The following EXOC6 variants were observed in gnomAD, a reference collection of about 807,000 sequenced individuals.
The protein encoded by EXOC6 is SEC15-like 1.
A neutral mutation model predicts 112.5 loss-of-function variants in EXOC6; 60 were observed. The ratio of observed to expected loss-of-function variants is 0.53; its 90% confidence interval spans 0.43 to 0.66. The LOEUF is 0.66. Ranked by LOEUF, EXOC6 falls within the 30% of genes least tolerant of loss-of-function variation. The probability of loss-of-function intolerance (pLI) is 0.00; values close to 1 mark genes in which losing one functional copy is unlikely to be tolerated. For missense variants in EXOC6, 855 were observed against 957.1 expected, an observed-to-expected ratio of 0.89 and a Z score of 1.41; for synonymous variants, 295 against 308.0, an observed-to-expected ratio of 0.96 and a Z score of 0.44.
At chr10:92,946,863 A>G (rs1431020884) in intron 13 of EXOC6, among the ~76,000 whole-genome samples, 1 of 152,104 alleles carries the variant, frequency 6.6e-6, no homozygotes, top group Non-Finnish European at 1.5e-5. Context: ...CTAACTTTCC[A>G]TGAGATGTTC....
At chr10:92,977,351 G>A (rs189565591) in intron 18 of EXOC6, among the ~76,000 whole-genome samples, 108 of 152,122 alleles carry the variant, frequency 7.1e-4, no homozygotes, top group Admixed American at 2.0e-3. Flanking sequence ...AAAGTTGAGG[G>A]AAGGTGTTCC....
chr10:92,968,430 C>G (rs1425477480), intron 17 of EXOC6, among the ~76,000 whole-genome samples: 1 of 152,180 alleles, frequency 6.6e-6, no homozygotes, highest in Non-Finnish European at 1.5e-5. Context: ...AAGTGATCCT[C>G]CTGCCTCAGC....
chr10:92,942,893 A>G (rs1281212465), intron 13 of EXOC6, among the ~76,000 whole-genome samples: 1 of 152,174 alleles, frequency 6.6e-6, no homozygotes. Context: ...TCACATAGAG[A>G]TAGGATTAAT....
At chr10:92,963,739 T>C in intron 17 of EXOC6, among the ~76,000 whole-genome samples, 1 of 152,084 alleles carries the variant, frequency 6.6e-6, no homozygotes, top group Admixed American at 6.6e-5. Context: ...AGTGATCTCC[T>C]GCCTCAGCCT....
chr10:92,934,642 G>A (rs1852249974), intron 11 of EXOC6, among the ~76,000 whole-genome samples: 1 of 151,972 alleles, frequency 6.6e-6, no homozygotes, highest in South Asian at 2.1e-4. Flanking sequence ...CTTTATTCTA[G>A]CATTATAGAA....
At chr10:92,871,794 T>G (rs1018141895) in intron 1 of EXOC6, among the ~76,000 whole-genome samples, 23 of 152,022 alleles carry the variant, frequency 1.5e-4, no homozygotes, top group Non-Finnish European at 2.1e-4. Flanking sequence ...GGTGACAGAG[T>G]GAGATTCCGT....
chr10:92,912,526 G>A (rs527685175), intron 6 of EXOC6, among the ~76,000 whole-genome samples: 127 of 152,082 alleles, frequency 8.4e-4, no homozygotes, highest in African/African-American at 3.0e-3. Context: ...GAGGTGAGAT[G>A]GTCACATGGG....
intron 8 of EXOC6, 137 bp downstream of exon 8, chr10:92,920,187 A>C (rs901716492): frequency 1.4e-5 from 7 of 501,656 alleles, no homozygotes; most frequent in Admixed American, 4.0e-5. Flanking sequence ...TGTGTAAGGC[A>C]CTTACATTTT....
chr10:93,029,548 G>T (rs1490698836), intron 20 of EXOC6, among the ~76,000 whole-genome samples: 1 of 152,054 alleles, frequency 6.6e-6, no homozygotes, highest in Non-Finnish European at 1.5e-5. Context: ...TCTTTATCAG[G>T]TCTATGTATT....
rs527750980 is a variant in EXOC6, at chr10:93,015,264, T to C, written c.2169+997T>C. Among the ~76,000 whole-genome samples, 9 of 152,324 alleles carry C rather than the reference T, an allele frequency of 5.9e-5. No homozygotes were observed. In the East Asian group the frequency reaches 1.7e-3, roughly 29 times the overall value. ...GTTAAGAAACTCTGACTTCAGTAAATGTTTGAGAATATAGATAATTCCAAC... is the reference window on the plus strand; with the variant it reads ...GTTAAGAAACTCTGACTTCAGTAAACGTTTGAGAATATAGATAATTCCAAC... On this transcript the variant is annotated intron_variant, in intron 20 of 21. Coordinates refer to ENST00000260762, the MANE Select transcript of EXOC6 (RefSeq NM_019053.6).
chr10:93,042,903 A>G (rs531048033), intron 20 of EXOC6, among the ~76,000 whole-genome samples: 1 of 150,210 alleles, frequency 6.7e-6, no homozygotes, highest in South Asian at 2.1e-4. Flanking sequence ...CTGAAGCACC[A>G]TAATCAAATA....
At chr10:92,976,782 C>G (rs957407672) in intron 18 of EXOC6, among the ~76,000 whole-genome samples, 5 of 151,374 alleles carry the variant, frequency 3.3e-5, no homozygotes, top group African/African-American at 7.3e-5. Context: ...GAGCATTGTT[C>G]TATCCTGGCA....
chr10:92,947,689 C>T (rs1370776902), intron 13 of EXOC6, among the ~76,000 whole-genome samples: 2 of 152,138 alleles, frequency 1.3e-5, no homozygotes, highest in Non-Finnish European at 2.9e-5. Context: ...GCAGGCAGAT[C>T]ATGAGGTCAG....
intron 4 of EXOC6, among the ~76,000 whole-genome samples, chr10:92,897,408 G>C (rs948609035): frequency 6.6e-6 from 1 of 152,184 alleles, no homozygotes; most frequent in Non-Finnish European, 1.5e-5. Context: ...AGTTGGAAAT[G>C]ACACAATCTC....
At chr10:92,911,782 G>A (rs1011685818) in intron 6 of EXOC6, among the ~76,000 whole-genome samples, 2 of 152,166 alleles carry the variant, frequency 1.3e-5, no homozygotes, top group African/African-American at 2.4e-5. Context: ...CTTCCACAGA[G>A]TTGAGAAGTT....
chr10:92,852,174 T>C (rs752051695), intron 1 of EXOC6, among the ~76,000 whole-genome samples: 8 of 152,202 alleles, frequency 5.3e-5, no homozygotes, highest in Admixed American at 1.3e-4. Context: ...AAAGTTCACT[T>C]AAGAAGAAAT....
At chr10:93,057,209 G>A (rs1011724177) in intron 21 of EXOC6, among the ~76,000 whole-genome samples, 173 bp downstream of exon 21, 5 of 152,130 alleles carry the variant, frequency 3.3e-5, no homozygotes, top group African/African-American at 1.2e-4. Context: ...CAGAGTTGGT[G>A]TAGTTTCATA....
At chr10:92,910,885 C>T (rs1451378737) in intron 6 of EXOC6, among the ~76,000 whole-genome samples, 3 of 152,104 alleles carry the variant, frequency 2.0e-5, no homozygotes, top group East Asian at 1.9e-4. Context: ...GCCAAGATCG[C>T]GCCACTGCAC....
intron 1 of EXOC6, among the ~76,000 whole-genome samples, chr10:92,860,041 A>G (rs1847831310): frequency 6.6e-6 from 1 of 152,150 alleles, no homozygotes; most frequent in Non-Finnish European, 1.5e-5. Context: ...GTCAAAAGGA[A>G]TAAGTGACAG....
Sources: gnomAD v4.1 joint callset for allele counts (sites outside exome capture counted in the v4.1 genomes callset) on GRCh38, gnomAD v4.1.1 for gene constraint, MANE v1.5 for transcripts, NCBI Gene and HGNC (gene_info 2026-07-23, HGNC 2026-07-21) for gene names.